The following EIF2B3 variants were observed in gnomAD, a reference collection of about 807,000 sequenced individuals.
The protein encoded by EIF2B3 is translation initiation factor eIF2B subunit gamma.
A neutral mutation model predicts 54.1 loss-of-function variants in EIF2B3; 20 were observed. The ratio of observed to expected loss-of-function variants is 0.37; its 90% CI spans 0.26 to 0.54. The LOEUF (loss-of-function observed/expected upper bound fraction) is 0.54. Ranked by LOEUF, EIF2B3 falls within the 20% of genes least tolerant of loss-of-function variation. The pLI is 0.86. For synonymous variants in EIF2B3, 153 were observed against 188.1 expected (o/e 0.81, Z 1.52); for missense variants, 448 against 547.8 (o/e 0.82, Z 1.82).
intron 3 of EIF2B3, among the ~76,000 whole-genome samples, chr1:44,963,266 CA>C (rs1262984006): frequency 2.0e-5 from 3 of 151,320 alleles, no homozygotes; most frequent in Non-Finnish European, 4.4e-5. Context: ...CCCAGAAAAC[CA>C]GGGGGGAAAT....
intron 10 of EIF2B3, among the ~76,000 whole-genome samples, chr1:44,862,411 A>G (rs1339963357): frequency 1.3e-5 from 2 of 152,200 alleles, no homozygotes; most frequent in East Asian, 3.8e-4. Context: ...TACTACAGTA[A>G]GATCACTGCT....
chr1:44,971,105 C>T (rs1279420325), intron 3 of EIF2B3, among the ~76,000 whole-genome samples: 2 of 152,100 alleles, frequency 1.3e-5, no homozygotes, highest in Non-Finnish European at 2.9e-5. Flanking sequence ...AAGTCATGGC[C>T]GGGCGCAGTG....
intron 10 of EIF2B3, among the ~76,000 whole-genome samples, chr1:44,873,300 ATTCT>A (rs1655021421): frequency 6.6e-6 from 1 of 152,162 alleles, no homozygotes; most frequent in African/African-American, 2.4e-5. Flanking sequence ...AACTCTTTTA[ATTCT>A]TTCTGCTGAG....
intron 4 of EIF2B3, among the ~76,000 whole-genome samples, chr1:44,930,099 T>C (rs1302816177): frequency 6.6e-6 from 1 of 152,214 alleles, no homozygotes; most frequent in Admixed American, 6.5e-5. Flanking sequence ...CCTAGTTGAT[T>C]TTTACTTTTC....
At chr1:44,980,354 C>T (rs1202387617) in intron 2 of EIF2B3, among the ~76,000 whole-genome samples, 2 of 151,996 alleles carry the variant, frequency 1.3e-5, no homozygotes, top group Non-Finnish European at 2.9e-5. Context: ...GTCCCAGCTA[C>T]ACAGGAAGCT....
chr1:44,871,062 T>C lies in EIF2B3; in HGVS notation c.1202+3616A>G, dbSNP rs189911202. ...CCTGTACGTCACCATGCATTCAACT[T>C]GTCCCAGATGGAATTTATACTCTTC... On this transcript the variant is annotated intron_variant, in intron 10 of 11. Coordinates refer to ENST00000360403, the MANE Select transcript of EIF2B3 (RefSeq NM_020365.5). 1.3e-3 allele frequency among the ~76,000 whole-genome samples: 205 copies of C among 152,328 alleles called. 2 individuals carry two copies. Among genetic ancestry groups the C allele is most frequent in the Admixed American group, 0.012 (184 of 15,290 alleles).
In EIF2B3 at chr1:44,881,466, G is replaced by C. The variant is rs1655399355; in HGVS notation, c.784+146C>G. 2 of 1,097,296 alleles carry C rather than the reference G, an allele frequency of 1.8e-6. No homozygotes were observed. The highest frequency in any genetic ancestry group is 2.7e-6 in the Non-Finnish European group (2 of 733,192). The allele number at this position is 1,097,296 out of a possible 1,614,324, so 68.0% of individuals were successfully genotyped here. A position where few individuals can be genotyped will look rare whatever the true frequency, so the allele number is the denominator to read the frequency against. On this transcript the variant is annotated intron_variant, in intron 7 of 11. Coordinates refer to ENST00000360403, the MANE Select transcript of EIF2B3 (RefSeq NM_020365.5). This position sits in a 1 kb window ranked among gnomAD's most constrained non-coding sequence, Gnocchi z 4.0. ...TGAGCAAGCTTACCCAGAGCTCAGT[G>C]GGTTGGCAAGCCTGTCTTGCCTCGT...
chr1:44,900,469 G>A (rs1368464819), intron 5 of EIF2B3, among the ~76,000 whole-genome samples: 18 of 126,784 alleles, frequency 1.4e-4, no homozygotes, highest in African/African-American at 4.0e-4. Context: ...AAAAAAAAAA[G>A]GGAACAACAG....
chr1:44,955,444 G>T (rs529274867), intron 3 of EIF2B3, among the ~76,000 whole-genome samples: 3 of 152,208 alleles, frequency 2.0e-5, no homozygotes, highest in African/African-American at 7.2e-5. Flanking sequence ...CCATTCAGGA[G>T]ATAGGCATGG....
intron 6 of EIF2B3, among the ~76,000 whole-genome samples, chr1:44,895,411 A>G (rs925499276): frequency 2.0e-5 from 3 of 152,178 alleles, no homozygotes; most frequent in African/African-American, 7.2e-5. Flanking sequence ...GCCTGCATAT[A>G]CAGACACCAA....
chr1:44,856,888 T>C (rs1654451074), intron 11 of EIF2B3, among the ~76,000 whole-genome samples: 1 of 152,220 alleles, frequency 6.6e-6, no homozygotes. Flanking sequence ...CACTGCAGCC[T>C]TGACCTCTCA....
At chr1:44,908,920 G>C (rs1341751659) in intron 5 of EIF2B3, among the ~76,000 whole-genome samples, 7 of 152,190 alleles carry the variant, frequency 4.6e-5, no homozygotes, top group Non-Finnish European at 8.8e-5. Context: ...CCCATGTTTT[G>C]ACAGGAGAAT....
chr1:44,919,986 C>A (rs1183333907), intron 5 of EIF2B3, among the ~76,000 whole-genome samples: 4 of 149,690 alleles, frequency 2.7e-5, no homozygotes, highest in Non-Finnish European at 5.9e-5. Flanking sequence ...TCCCAAAGTG[C>A]TGGGATTATA....
chr1:44,976,262 C>T (rs1042706789), intron 3 of EIF2B3, among the ~76,000 whole-genome samples: 1 of 152,032 alleles, frequency 6.6e-6, no homozygotes, highest in African/African-American at 2.4e-5. Context: ...AATGGAAAGG[C>T]AAACAACTCA....
intron 6 of EIF2B3, among the ~76,000 whole-genome samples, chr1:44,891,276 A>C (rs1203660703): frequency 6.6e-6 from 1 of 151,598 alleles, no homozygotes; most frequent in East Asian, 1.9e-4. Flanking sequence ...TTTATTTTTA[A>C]ATTTGTTGTA....
intron 3 of EIF2B3, among the ~76,000 whole-genome samples, chr1:44,961,316 C>CAAAAA (rs752610849): frequency 2.4e-5 from 2 of 81,634 alleles, no homozygotes; most frequent in Non-Finnish European, 4.8e-5. Flanking sequence ...GACCCTGTCT[C>CAAAAA]AAAAAAAAAA....
chr1:44,966,438 C>CAAAA (rs60200568), intron 3 of EIF2B3, among the ~76,000 whole-genome samples: 154 of 85,944 alleles, frequency 1.8e-3, no homozygotes, highest in East Asian at 8.2e-3. Context: ...GACTCTGTCT[C>CAAAA]AAAAAAAAAA....
chr1:44,898,830 G>A (rs1656067826), intron 5 of EIF2B3, among the ~76,000 whole-genome samples: 5 of 152,090 alleles, frequency 3.3e-5, no homozygotes. Context: ...AGCTGGCACT[G>A]CAGGCATGCA....
intron 5 of EIF2B3, among the ~76,000 whole-genome samples, chr1:44,911,459 A>G (rs1257653103): frequency 5.3e-5 from 8 of 152,196 alleles, no homozygotes. Flanking sequence ...AAAAAGACAC[A>G]TCCACCTGCT....
Sources: allele counts gnomAD v4.1 joint callset (sites outside exome capture counted in the v4.1 genomes callset), GRCh38; gene constraint gnomAD v4.1.1; non-coding constraint Gnocchi (gnomAD v3.1); transcripts MANE v1.5; gene names NCBI Gene and HGNC (gene_info 2026-07-23, HGNC 2026-07-21).